The following DLAT variants were observed in gnomAD, a reference collection of about 807,000 sequenced individuals.
The protein encoded by DLAT is dihydrolipoyllysine-residue acetyltransferase component of pyruvate dehydrogenase complex, mitochondrial.
In DLAT, 43 loss-of-function variants were observed where a neutral mutation model predicts 68.0. The ratio of observed to expected loss-of-function variants is 0.63; its 90% confidence interval spans 0.50 to 0.81. The LOEUF is 0.81. DLAT is among the 40% of genes least tolerant of loss of function. DLAT has a pLI of 0.00. For missense variants in DLAT, 745 were observed against 815.4 expected (o/e 0.91, Z 1.05); for synonymous variants, 265 against 288.6 (o/e 0.92, Z 0.83).
In DLAT at chr11:112,028,649, G is replaced by A. The variant is rs1413590642; in HGVS notation, c.506+10G>A. On this transcript the variant is annotated intron_variant, in intron 3 of 13. Coordinates refer to ENST00000280346, the MANE Select transcript of DLAT (RefSeq NM_001931.5). ...GTATCACAGTTGGCAAGTGAGTAGT[G>A]CGCTCATAATTTGTGGAACTTCATT... is the stretch of plus-strand genomic sequence containing the variant. The A allele has an allele frequency of 1.2e-6, 2 of 1,614,140 alleles. No individual in the cohort carries two copies. Among genetic ancestry groups the A allele is most frequent in the Admixed American group, 1.7e-5 (1 of 60,014 alleles).
At chr11:112,056,237 T>A (rs1332272161) in intron 11 of DLAT, among the ~76,000 whole-genome samples, 1 of 152,170 alleles carries the variant, frequency 6.6e-6, no homozygotes, top group African/African-American at 2.4e-5. Flanking sequence ...AAGTGTACAA[T>A]TTCTTGATTT....
chr11:112,045,793 C>A, intron 9 of DLAT, 70 bp from the exon 10 acceptor site: 1 of 945,592 alleles, frequency 1.1e-6, no homozygotes, highest in Non-Finnish European at 1.7e-6. Context: ...GGTGAAGAGA[C>A]AAACAGAGCC....
intron 5 of DLAT, among the ~76,000 whole-genome samples, chr11:112,036,199 GTGTTTTTTTTTTTTTTTTTT>G (rs1184013282): frequency 2.3e-4 from 12 of 51,900 alleles, no homozygotes; most frequent in Non-Finnish European, 3.9e-4. Context: ...GTGTGTGTGT[GTGTTTTTTTTTTTTTTTTTT>G]TTTTTTTTTT....
rs71060212 is a variant in DLAT, at chr11:112,055,848, CTTTTTTTTTTTTTTTTTTT to C, written c.1515-4035_1515-4017del. Among the ~76,000 whole-genome samples, 277 of 31,976 alleles carry C rather than the reference CTTTTTTTTTTTTTTTTTTT, an allele frequency of 8.7e-3. 1 individual carries two copies. Among genetic ancestry groups the C allele is most frequent in the African/African-American group, 0.023 (216 of 9,250 alleles). The allele number at this position is 31,976 out of a possible 152,430, so 21.0% of individuals were successfully genotyped here. Reference sequence around the variant, plus strand: ...TCTCCTCTGTGCCAGCATATAGACACTTTTTTTTTTTTTTTTTTTTTTTTTTTTTTTTTTTTTTGAGGTG... The same window carrying C: ...TCTCCTCTGTGCCAGCATATAGACACTTTTTTTTTTTTTTTTTTTGAGGTG... On this transcript the variant is annotated intron_variant, in intron 11 of 13. Coordinates refer to ENST00000280346, the MANE Select transcript of DLAT (RefSeq NM_001931.5).
At chr11:112,041,664 C>T (rs2137774479) in intron 7 of DLAT, among the ~76,000 whole-genome samples, 1 of 152,228 alleles carries the variant, frequency 6.6e-6, no homozygotes, top group South Asian at 2.1e-4. Flanking sequence ...AGGTGGATCA[C>T]AGGTCAGGAG....
chr11:112,031,678 A>G (rs1555179965), intron 4 of DLAT, among the ~76,000 whole-genome samples: 7 of 151,386 alleles, frequency 4.6e-5, no homozygotes, highest in Non-Finnish European at 8.8e-5. Context: ...GGCTCAAGCC[A>G]TCCTCCCACC....
At chr11:112,032,370 G>C (rs907970719) in intron 4 of DLAT, 1 of 152,030 alleles carries the variant, frequency 6.6e-6, no homozygotes, top group Non-Finnish European at 1.5e-5. Flanking sequence ...GGAATGGCTA[G>C]ATTGAGCTAA....
At chr11:112,060,243 G>A (rs1226821129) in intron 12 of DLAT, among the ~76,000 whole-genome samples, 178 bp downstream of exon 12, 2 of 142,900 alleles carry the variant, frequency 1.4e-5, no homozygotes, top group African/African-American at 2.6e-5. Flanking sequence ...CTCACTGCAA[G>A]CTCCGCCTCC....
chr11:112,056,118 G>A (rs1164322747), intron 11 of DLAT, among the ~76,000 whole-genome samples: 2 of 151,520 alleles, frequency 1.3e-5, no homozygotes, highest in African/African-American at 4.9e-5. Context: ...TGCCTGCCTC[G>A]GCCTCCCAAA....
rs587605653 is a variant in DLAT, at chr11:112,051,129, G to A, written c.1399-105G>A. On this transcript the variant is annotated intron_variant, in intron 10 of 13. Transcript: ENST00000280346. The surrounding 1 kb of genome is among the most constrained non-coding windows in gnomAD (Gnocchi z 4.3). Reference sequence around the variant, plus strand: ...GGTGCAGCAAACCACCATGGCACATGTTTACCTATATAATAAACCTGGACA... The same window carrying A: ...GGTGCAGCAAACCACCATGGCACATATTTACCTATATAATAAACCTGGACA... The A allele has an allele frequency of 7.1e-4, 544 of 761,812 alleles. 9 individuals carry two copies. In the South Asian group the frequency reaches 8.8e-3, roughly 12 times the overall value. The allele number at this position is 761,812 out of a possible 1,614,324, so 47.2% of individuals were successfully genotyped here.
At chr11:112,030,003 C>T in intron 4 of DLAT, 1 of 1,047,856 alleles carries the variant, frequency 9.5e-7, no homozygotes, top group South Asian at 1.2e-5. Flanking sequence ...AAAGAACTGA[C>T]AGCCATTTGT....
Position 112,045,853 on chromosome 11 carries a change from T to G in DLAT, c.1291-10T>G. The stretch of plus-strand genomic sequence containing the variant: ...AAGATAATTGATTTTTTAAATCTCT[T>G]TGGTTTCAGGTTATTGCACAGCGAT... On this transcript the variant is annotated splice_polypyrimidine_tract_variant and intron_variant, in intron 9 of 13. Transcript: ENST00000280346. The G allele has an allele frequency of 6.4e-7, 1 of 1,564,602 alleles. No homozygotes were observed. Among genetic ancestry groups the G allele is most frequent in the Non-Finnish European group, 8.8e-7 (1 of 1,135,188 alleles).
chr11:112,037,117 G>T (rs1555180573), intron 5 of DLAT, among the ~76,000 whole-genome samples, 156 bp from the exon 6 acceptor site: 1 of 152,092 alleles, frequency 6.6e-6, no homozygotes, highest in South Asian at 2.1e-4. Context: ...CCGTATTGTA[G>T]GTAAAGAAAC....
rs1555180829 is a variant in DLAT, at chr11:112,039,397, G to A, written c.1129G>A (p.Gly377Arg). 1 of 1,613,706 alleles carries A rather than the reference G, an allele frequency of 6.2e-7. No homozygotes were observed. The highest frequency in any genetic ancestry group is 8.5e-7 in the Non-Finnish European group (1 of 1,179,810). The change falls in exon 7 of 14, where the codon GGG (glycine) becomes AGG (arginine). Residue 377 changes from glycine (G) to arginine (R), a missense_variant and splice_region_variant. Physicochemically the swap from Gly to Arg is moderately radical, Grantham distance 125. Transcript: ENST00000280346. ...EKGIDLTQVKGTGPDGRITKK... is the reference protein window; with the variant it reads ...EKGIDLTQVKRTGPDGRITKK... The stretch of plus-strand genomic sequence containing the variant: ...AGGGATTGATCTTACACAAGTAAAA[G>A]GTAAATCTGTTTCTATAGAATGGAC...
chr11:112,029,491 A>G (rs1862279114), intron 4 of DLAT, among the ~76,000 whole-genome samples: 5 of 152,044 alleles, frequency 3.3e-5, no homozygotes, highest in Admixed American at 6.6e-5. Context: ...GGAACAAGAG[A>G]CAGAGGGGAG....
chr11:112,059,987 A>G lies in DLAT; in HGVS notation c.1599A>G (p.Gly533=). The change falls in exon 12 of 14, where the codon GGA becomes GGG. Residue 533 remains glycine (G), a synonymous_variant. Coordinates refer to ENST00000280346, the MANE Select transcript of DLAT (RefSeq NM_001931.5). ...TPIVFNAHIK[G]VETIANDVVS... ...TTGTGTTTAATGCACATATAAAAGG[A>G]GTGGAAACCATTGCTAATGATGTTG... 2.5e-6 allele frequency: 4 copies of G among 1,614,006 alleles called. No individual in the cohort carries two copies. Among genetic ancestry groups the G allele is most frequent in the Non-Finnish European group, 3.4e-6 (4 of 1,179,936 alleles).
intron 10 of DLAT, among the ~76,000 whole-genome samples, chr11:112,050,322 CTTT>C (rs781892275): frequency 7.1e-6 from 1 of 140,570 alleles, no homozygotes; most frequent in Non-Finnish European, 1.6e-5. Flanking sequence ...TTAGTGTGTA[CTTT>C]TTTTTTTTTT....
chr11:112,045,379 C>A, intron 9 of DLAT, 149 bp downstream of exon 9: 1 of 725,020 alleles, frequency 1.4e-6, no homozygotes, highest in Non-Finnish European at 2.4e-6. Context: ...CAACTGAATA[C>A]TTGAATCACT....
At position 112,040,732 on chromosome 11, in the gene DLAT, A is replaced by G. The variant is rs57255195; in HGVS notation, c.1129+1335A>G. On this transcript the variant is annotated intron_variant, in intron 7 of 13. Coordinates refer to ENST00000280346, the MANE Select transcript of DLAT (RefSeq NM_001931.5). ...AGTAGTATATTGCTATCATATATGT[A>G]TATATGATTAGAATCAGGGACAGCA... Among the ~76,000 whole-genome samples, 1,509 of 152,162 alleles carry G rather than the reference A, an allele frequency of 9.9e-3. 44 individuals are homozygous for G. Among genetic ancestry groups the G allele is most frequent in the African/African-American group, 0.035 (1,445 of 41,508 alleles).
Sources: gnomAD v4.1 joint callset for allele counts (sites outside exome capture counted in the v4.1 genomes callset) on GRCh38, gnomAD v4.1.1 for gene constraint, Gnocchi (gnomAD v3.1) non-coding constraint, MANE v1.5 for transcripts, NCBI Gene and HGNC (gene_info 2026-07-23, HGNC 2026-07-21) for gene names.